Variants in EPHA7 observed in about 807,000 individuals in gnomAD.
The protein encoded by EPHA7 is EPH receptor A7.
EPHA7 carries 25 observed loss-of-function variants against 112.6 expected under a neutral mutation model. That is an observed-to-expected ratio of 0.22 (90% CI 0.16 to 0.31). The LOEUF is 0.31. Ranked by LOEUF, EPHA7 falls within the 10% of genes least tolerant of loss-of-function variation. EPHA7 has a pLI of 1.00. For synonymous variants in EPHA7, 437 were observed against 406.5 expected, an observed-to-expected ratio of 1.07 and a Z score of -0.90; for missense variants, 962 against 1,212.6, an observed-to-expected ratio of 0.79 and a Z score of 3.07.
At chr6:93,314,143 GT>G (rs1219909297) in intron 5 of EPHA7, among the ~76,000 whole-genome samples, 10 of 151,124 alleles carry the variant, frequency 6.6e-5, no homozygotes, top group African/African-American at 1.9e-4. Context: ...TTTTTATAAG[GT>G]ATTAGTTCTA....
chr6:93,342,227 C>T (rs1209642941), intron 5 of EPHA7, among the ~76,000 whole-genome samples: 1 of 151,830 alleles, frequency 6.6e-6, no homozygotes, highest in African/African-American at 2.4e-5. Context: ...AGTCTTTCCT[C>T]TTTTTAAAAC....
At chr6:93,372,719 A>G (rs936717118) in intron 3 of EPHA7, among the ~76,000 whole-genome samples, 1 of 152,110 alleles carries the variant, frequency 6.6e-6, no homozygotes, top group Non-Finnish European at 1.5e-5. Context: ...ACTTTTAAAT[A>G]GTTTTCTGTT....
At chr6:93,393,750 T>C (rs1778022699) in intron 3 of EPHA7, among the ~76,000 whole-genome samples, 1 of 151,838 alleles carries the variant, frequency 6.6e-6, no homozygotes. Flanking sequence ...CCTTTCAATT[T>C]AGATTCGAAC....
intron 3 of EPHA7, among the ~76,000 whole-genome samples, chr6:93,381,612 C>T (rs1777338706): frequency 6.6e-6 from 1 of 151,906 alleles, no homozygotes; most frequent in African/African-American, 2.4e-5. Flanking sequence ...TAATTAACCA[C>T]AAATTAAAAA....
chr6:93,262,680 A>G (rs1770744256), intron 9 of EPHA7, among the ~76,000 whole-genome samples: 1 of 151,402 alleles, frequency 6.6e-6, no homozygotes, highest in Non-Finnish European at 1.5e-5. Context: ...TTTCTTATTC[A>G]ATTTGTATTT....
chr6:93,290,046 T>G (rs1359542032), intron 5 of EPHA7, among the ~76,000 whole-genome samples: 1 of 152,166 alleles, frequency 6.6e-6, no homozygotes, highest in East Asian at 1.9e-4. Flanking sequence ...TAATTTTCCA[T>G]GTAATAAAAT....
chr6:93,281,824 T>C (rs1232411017), intron 5 of EPHA7, among the ~76,000 whole-genome samples: 3 of 152,174 alleles, frequency 2.0e-5, no homozygotes, highest in Non-Finnish European at 4.4e-5. Context: ...TTAAATTCTT[T>C]ACAATATGGA....
intron 5 of EPHA7, among the ~76,000 whole-genome samples, chr6:93,329,665 T>C (rs1774494320): frequency 6.6e-6 from 1 of 151,370 alleles, no homozygotes; most frequent in Non-Finnish European, 1.5e-5. Flanking sequence ...TAAATAAACT[T>C]AGTAACTTCA....
rs1406944315 is a variant in EPHA7, at chr6:93,241,498, T to C, written c.*1928A>G. 13 of 214,898 alleles carry C rather than the reference T, an allele frequency of 6.0e-5. No individual in the cohort carries two copies. The highest frequency in any genetic ancestry group is 1.2e-4 in the Non-Finnish European group (13 of 106,266). The allele number at this position is 214,898 out of a possible 1,614,324, so 13.3% of individuals were successfully genotyped here. A position where few individuals can be genotyped will look rare whatever the true frequency, so the allele number is the denominator to read the frequency against. On this transcript the variant is annotated 3_prime_UTR_variant, in exon 17 of 17. Coordinates refer to ENST00000369303, the MANE Select transcript of EPHA7 (RefSeq NM_004440.4). The stretch of plus-strand genomic sequence containing the variant: ...TGTCTAGGTGACTGTATTATGCTAA[T>C]TAAAATTATTTTTACAGATTACTTT...
chr6:93,300,699 T>C (rs1772935683), intron 5 of EPHA7, among the ~76,000 whole-genome samples: 2 of 152,208 alleles, frequency 1.3e-5, no homozygotes, highest in African/African-American at 4.8e-5. Context: ...TTTATTTAGA[T>C]ATGTTAGATA....
intron 5 of EPHA7, among the ~76,000 whole-genome samples, chr6:93,308,529 C>T (rs1342501029): frequency 2.0e-5 from 3 of 151,820 alleles, no homozygotes; most frequent in African/African-American, 2.4e-5. Flanking sequence ...TAGTATATCC[C>T]TTTCTGAGAT....
chr6:93,392,519 T>TA (rs1777961619), intron 3 of EPHA7, among the ~76,000 whole-genome samples: 1 of 152,048 alleles, frequency 6.6e-6, no homozygotes, highest in African/African-American at 2.4e-5. Flanking sequence ...TCTAACTGAT[T>TA]ATATGACAAA....
intron 3 of EPHA7, among the ~76,000 whole-genome samples, chr6:93,403,672 A>T (rs1391378258): frequency 1.3e-5 from 2 of 151,918 alleles, no homozygotes; most frequent in Admixed American, 1.3e-4. Context: ...AAAAAAAAAA[A>T]AAAAAGAAAA....
intron 5 of EPHA7, among the ~76,000 whole-genome samples, chr6:93,299,051 G>A (rs921722212): frequency 2.0e-5 from 3 of 152,130 alleles, no homozygotes; most frequent in Middle Eastern, 3.2e-3. Flanking sequence ...GCTCAGCCGG[G>A]CGCGGTGGCT....
intron 3 of EPHA7, among the ~76,000 whole-genome samples, chr6:93,363,901 G>C (rs1239349311): frequency 2.6e-5 from 4 of 152,064 alleles, no homozygotes; most frequent in African/African-American, 9.7e-5. Flanking sequence ...AAAACAACAT[G>C]GATGAATCTT....
chr6:93,379,823 T>G (rs1207035330), intron 3 of EPHA7, among the ~76,000 whole-genome samples: 1 of 152,064 alleles, frequency 6.6e-6, no homozygotes, highest in Non-Finnish European at 1.5e-5. Flanking sequence ...ACAGCAGGCA[T>G]ACATCAAACA....
chr6:93,369,168 G>T (rs112606106), intron 3 of EPHA7, among the ~76,000 whole-genome samples: 1 of 120,824 alleles, frequency 8.3e-6, no homozygotes, highest in East Asian at 2.5e-4. Flanking sequence ...GAAAAGAAAA[G>T]AAAAATAAAG....
At chr6:93,355,048 GACA>G (rs1446712170) in intron 5 of EPHA7, among the ~76,000 whole-genome samples, 2 of 151,922 alleles carry the variant, frequency 1.3e-5, no homozygotes, top group Non-Finnish European at 2.9e-5. Flanking sequence ...GCAAAGTTAT[GACA>G]ACAAATTTAT....
intron 5 of EPHA7, among the ~76,000 whole-genome samples, chr6:93,347,979 AAT>A (rs1775484980): frequency 1.3e-5 from 2 of 151,910 alleles, no homozygotes; most frequent in African/African-American, 4.8e-5. Flanking sequence ...TTAAATTGGA[AAT>A]ATGAGACGCA....
Sources: allele counts gnomAD v4.1 joint callset (sites outside exome capture counted in the v4.1 genomes callset), GRCh38; gene constraint gnomAD v4.1.1; transcripts MANE v1.5; gene names NCBI Gene and HGNC (gene_info 2026-07-23, HGNC 2026-07-21).